The following TMTC2 variants were observed in gnomAD, a reference collection of about 807,000 sequenced individuals.
The protein encoded by TMTC2 is transmembrane O-mannosyltransferase targeting cadherins 2.
In TMTC2, 43 loss-of-function variants were observed where a neutral mutation model predicts 82.4. The observed-to-expected ratio is 0.52, with a 90% CI of 0.41 to 0.67. TMTC2 has a LOEUF of 0.67. TMTC2 is among the 30% of genes least tolerant of loss of function. The pLI is 0.00. For missense variants in TMTC2, 919 were observed against 1,012.4 expected, an observed-to-expected ratio of 0.91 and a Z score of 1.25; for synonymous variants, 408 against 381.9, an observed-to-expected ratio of 1.07 and a Z score of -0.80.
At chr12:82,800,281 C>T (rs1459548406) in intron 1 of TMTC2, among the ~76,000 whole-genome samples, 1 of 152,142 alleles carries the variant, frequency 6.6e-6, no homozygotes, top group Non-Finnish European at 1.5e-5. Flanking sequence ...CAAAAAGGTC[C>T]TGCTGCCTCT....
intron 2 of TMTC2, among the ~76,000 whole-genome samples, chr12:82,863,210 G>A (rs7295124): frequency 0.039 from 5,923 of 151,994 alleles, 146 homozygotes; most frequent in Non-Finnish European, 0.065. Flanking sequence ...TTTACCGTTT[G>A]TGATTTTCCA....
intron 4 of TMTC2, among the ~76,000 whole-genome samples, chr12:82,954,685 A>G (rs987429438): frequency 6.6e-6 from 1 of 152,150 alleles, no homozygotes; most frequent in African/African-American, 2.4e-5. Context: ...TGCTTTATTC[A>G]TATCCACACT....
intron 9 of TMTC2, among the ~76,000 whole-genome samples, chr12:83,032,163 T>C (rs188395124): frequency 9.3e-5 from 14 of 151,174 alleles, no homozygotes; most frequent in African/African-American, 2.9e-4. Context: ...GGTTTTTTTT[T>C]CCCACTATCT....
chr12:82,880,375 G>C (rs1872762461), intron 2 of TMTC2, among the ~76,000 whole-genome samples: 2 of 152,170 alleles, frequency 1.3e-5, no homozygotes, highest in African/African-American at 2.4e-5. Context: ...ATTAAGGTTT[G>C]ACTGGCCCAT....
intron 4 of TMTC2, among the ~76,000 whole-genome samples, chr12:82,935,616 T>C (rs1039928281): frequency 3.3e-5 from 5 of 152,158 alleles, no homozygotes; most frequent in Non-Finnish European, 7.4e-5. Flanking sequence ...GTCAATGTCC[T>C]TTTGTTGTTG....
At chr12:82,778,621 G>A (rs918852234) in intron 1 of TMTC2, among the ~76,000 whole-genome samples, 7 of 151,914 alleles carry the variant, frequency 4.6e-5, no homozygotes, top group East Asian at 1.9e-4. Flanking sequence ...AGGCCGAGGC[G>A]GGCGGATCAC....
At chr12:83,067,573 G>A (rs550759056) in intron 11 of TMTC2, among the ~76,000 whole-genome samples, 53 of 152,026 alleles carry the variant, frequency 3.5e-4, no homozygotes, top group African/African-American at 1.3e-3. Flanking sequence ...GGTAACTTTA[G>A]GTAGTAAATT....
At chr12:82,771,585 A>G (rs1274081705) in intron 1 of TMTC2, among the ~76,000 whole-genome samples, 1 of 152,168 alleles carries the variant, frequency 6.6e-6, no homozygotes, top group African/African-American at 2.4e-5. Context: ...TAATTTTATT[A>G]TAACCAAGAA....
chr12:82,929,977 TG>T (rs1476390491), intron 3 of TMTC2, among the ~76,000 whole-genome samples: 1 of 152,174 alleles, frequency 6.6e-6, no homozygotes, highest in Non-Finnish European at 1.5e-5. Context: ...GCTTTGATCT[TG>T]TTTAGTTTTT....
chr12:83,021,454 G>A (rs1880919550), intron 8 of TMTC2, among the ~76,000 whole-genome samples: 2 of 152,100 alleles, frequency 1.3e-5, no homozygotes, highest in Admixed American at 6.6e-5. Context: ...AACTAGATGG[G>A]CATAGTGGTG....
At chr12:82,793,585 G>C (rs1033061327) in intron 1 of TMTC2, among the ~76,000 whole-genome samples, 3 of 151,920 alleles carry the variant, frequency 2.0e-5, no homozygotes, top group Non-Finnish European at 4.4e-5. Flanking sequence ...CAAATGACAC[G>C]ATTTAATTTT....
chr12:82,700,194 T>C (rs12425493), intron 1 of TMTC2, among the ~76,000 whole-genome samples: 1 of 152,146 alleles, frequency 6.6e-6, no homozygotes, highest in South Asian at 2.1e-4. Flanking sequence ...TCCTTTATCC[T>C]CTGTTCTCTC....
chr12:82,931,875 C>T (rs552995042), intron 4 of TMTC2, among the ~76,000 whole-genome samples: 19 of 152,184 alleles, frequency 1.2e-4, no homozygotes, highest in Middle Eastern at 6.8e-3. Flanking sequence ...CAGTTCTGTG[C>T]CGTCTCTTGG....
chr12:83,057,236 G>A (rs778558878), intron 10 of TMTC2, among the ~76,000 whole-genome samples: 9 of 151,990 alleles, frequency 5.9e-5, no homozygotes, highest in African/African-American at 9.6e-5. Context: ...GTTTGAGGCC[G>A]TGAAAGAATA....
At chr12:83,032,254 A>G (rs1881457984) in intron 9 of TMTC2, among the ~76,000 whole-genome samples, 1 of 103,408 alleles carries the variant, frequency 9.7e-6, no homozygotes, top group South Asian at 3.2e-4. Flanking sequence ...TATAGAGAAT[A>G]TTTTATATAT....
rs528001272 is a variant in TMTC2 at position 83,049,211 on chromosome 12, T to C, written c.2153-1693T>C. Among the ~76,000 whole-genome samples, 31 of 152,282 alleles carry C rather than the reference T, an allele frequency of 2.0e-4. No individual in the cohort carries two copies. The South Asian group carries it at 6.2e-3, about 31-fold the overall frequency. ...GTGGGATACACGTGCAGGTTTGCTA[T>C]GTAGGTAAATTGTGTGTCACAAGGG... On this transcript the variant is annotated intron_variant, in intron 9 of 11. Coordinates refer to ENST00000321196, the MANE Select transcript of TMTC2 (RefSeq NM_152588.3).
intron 10 of TMTC2, among the ~76,000 whole-genome samples, chr12:83,055,483 A>G (rs926524097): frequency 5.3e-5 from 8 of 152,094 alleles, no homozygotes; most frequent in African/African-American, 1.4e-4. Flanking sequence ...AAAGGAATTT[A>G]AAATGCTAGA....
chr12:83,052,523 A>C (rs1882389371), intron 10 of TMTC2, among the ~76,000 whole-genome samples: 1 of 152,130 alleles, frequency 6.6e-6, no homozygotes, highest in Non-Finnish European at 1.5e-5. Flanking sequence ...TTACAGAGAT[A>C]AGGACTTTTT....
intron 3 of TMTC2, among the ~76,000 whole-genome samples, chr12:82,901,191 A>G (rs1873990125): frequency 1.0e-5 from 1 of 99,344 alleles, no homozygotes; most frequent in Non-Finnish European, 1.9e-5. Context: ...ATAGGAATAT[A>G]TATATATCTG....
Sources: gnomAD v4.1 joint callset for allele counts (sites outside exome capture counted in the v4.1 genomes callset) on GRCh38, gnomAD v4.1.1 for gene constraint, MANE v1.5 for transcripts, NCBI Gene and HGNC (gene_info 2026-07-23, HGNC 2026-07-21) for gene names.